The following PCDHGA1 variants were observed in gnomAD, a reference collection of about 807,000 sequenced individuals.
The protein encoded by PCDHGA1 is protocadherin gamma-A1.
In PCDHGA1, 32 loss-of-function variants were observed where a neutral mutation model predicts 58.0. The observed-to-expected ratio is 0.55, with a 90% confidence interval of 0.42 to 0.74. PCDHGA1 has a LOEUF of 0.74. Ranked by LOEUF, PCDHGA1 falls within the 30% of genes least tolerant of loss-of-function variation. The pLI, the probability that PCDHGA1 is intolerant of heterozygous loss-of-function variation, is 0.00. For missense variants in PCDHGA1, 1,205 were observed against 1,182.3 expected (o/e 1.02, Z -0.28); for synonymous variants, 498 against 501.1 (o/e 0.99, Z 0.08).
chr5:141,369,898 C>A (rs1410359575), intron 1 of PCDHGA1, among the ~76,000 whole-genome samples: 1 of 152,106 alleles, frequency 6.6e-6, no homozygotes, highest in Non-Finnish European at 1.5e-5. Flanking sequence ...TTATTATGAC[C>A]ATTTTATGAA....
At chr5:141,371,570 T>C (rs767925650) in intron 1 of PCDHGA1, 3 of 1,613,762 alleles carry the variant, frequency 1.9e-6, no homozygotes, top group Admixed American at 3.3e-5. Flanking sequence ...ACTTCCCCTT[T>C]AAAATCGTTC....
intron 1 of PCDHGA1, among the ~76,000 whole-genome samples, chr5:141,451,522 A>G (rs1387873094): frequency 6.6e-6 from 1 of 152,200 alleles, no homozygotes; most frequent in Non-Finnish European, 1.5e-5. Flanking sequence ...TAGAGCAAGT[A>G]AAGGAGAGTG....
At chr5:141,362,151 G>C (rs570950443) in intron 1 of PCDHGA1, 5 of 1,614,026 alleles carry the variant, frequency 3.1e-6, no homozygotes, top group Middle Eastern at 1.7e-4. Flanking sequence ...AAGAGGTATT[G>C]CCAGACCTCA....
At chr5:141,380,772 CTT>C (rs1776732495) in intron 1 of PCDHGA1, among the ~76,000 whole-genome samples, 1 of 152,070 alleles carries the variant, frequency 6.6e-6, no homozygotes, top group Admixed American at 6.6e-5. Context: ...TTAATTGAGA[CTT>C]TTTTAAAACA....
chr5:141,389,233 T>C (rs1374129511), intron 1 of PCDHGA1: 1 of 1,613,926 alleles, frequency 6.2e-7, no homozygotes, highest in Non-Finnish European at 8.5e-7. Context: ...GCTCCGGTTT[T>C]CTCACAGTCT....
intron 1 of PCDHGA1, among the ~76,000 whole-genome samples, chr5:141,488,613 A>C (rs1214413025): frequency 1.3e-5 from 2 of 152,158 alleles, no homozygotes; most frequent in Non-Finnish European, 2.9e-5. Flanking sequence ...GTTCTTACTA[A>C]TCTTTTCTCT....
At position 141,430,969 on chromosome 5, in the gene PCDHGA1, T is replaced by C. The variant is rs560722324; in HGVS notation, c.2422-63838T>C. The C allele has an allele frequency of 1.5e-4, 246 of 1,613,012 alleles. 3 individuals carry two copies. The South Asian group carries it at 2.6e-3, about 17-fold the overall frequency. The stretch of plus-strand genomic sequence containing the variant: ...GCGGAGTCCGCATCATCCCCAGAGG[T>C]AGGACGCAGCTTTTCGCCCTGAATC... On this transcript the variant is annotated intron_variant, in intron 1 of 3. Transcript: ENST00000517417.
At chr5:141,425,448 C>G (rs897473729) in intron 1 of PCDHGA1, among the ~76,000 whole-genome samples, 1 of 152,164 alleles carries the variant, frequency 6.6e-6, no homozygotes, top group African/African-American at 2.4e-5. Flanking sequence ...AAATAAAACA[C>G]CATCACATTT....
intron 1 of PCDHGA1, chr5:141,394,355 G>C (rs767192511): frequency 4.3e-6 from 7 of 1,614,064 alleles, no homozygotes; most frequent in African/African-American, 1.3e-5. Context: ...CCGGTGTCCT[G>C]TATGCGCTGC....
chr5:141,464,707 A>G (rs1052234067), intron 1 of PCDHGA1, among the ~76,000 whole-genome samples: 13 of 152,112 alleles, frequency 8.5e-5, no homozygotes, highest in African/African-American at 3.1e-4. Flanking sequence ...ATGAGGTTAA[A>G]TAGTTTTTCA....
Position 141,486,929 on chromosome 5 carries a change from G to A in PCDHGA1, c.2422-7878G>A. 2.5e-6 allele frequency: 4 copies of A among 1,614,226 alleles called. No individual in the cohort carries two copies. Among genetic ancestry groups the A allele is most frequent in the Non-Finnish European group, 2.5e-6 (3 of 1,180,038 alleles). ...CCAAGCACTGCCTCCATCAGTTGGT[G>A]CTGGCCACCTAATCACAAAGGTGAC... On this transcript the variant is annotated intron_variant, in intron 1 of 3. Transcript: ENST00000517417. This position sits in a 1 kb window ranked among gnomAD's most constrained non-coding sequence, Gnocchi z 5.0.
At chr5:141,478,670 C>T (rs1413742587) in intron 1 of PCDHGA1, 28 of 1,551,664 alleles carry the variant, frequency 1.8e-5, no homozygotes, top group Non-Finnish European at 2.4e-5. Flanking sequence ...TTCACACTTT[C>T]AACTGGCCCT....
Position 141,341,748 on chromosome 5 carries a change from A to G in PCDHGA1, c.2421+8643A>G. ...AATTTTTTCTTTGTTAAAAATATAAAGATTGGAGTTTATGTTTACTCAAGT... is the reference window on the plus strand; with the variant it reads ...AATTTTTTCTTTGTTAAAAATATAAGGATTGGAGTTTATGTTTACTCAAGT... On this transcript the variant is annotated intron_variant, in intron 1 of 3. Transcript: ENST00000517417. 7.1e-6 allele frequency: 3 copies of G among 425,454 alleles called. No individual in the cohort carries two copies. In the South Asian group the frequency reaches 1.2e-4, roughly 17 times the overall value. 26.4% of individuals were successfully genotyped at this position (425,454 alleles called of 1,614,324 possible). A position where few individuals can be genotyped will look rare whatever the true frequency, so the allele number is the denominator to read the frequency against.
chr5:141,383,876 G>T (rs747987128), intron 1 of PCDHGA1: 1 of 1,613,978 alleles, frequency 6.2e-7, no homozygotes, highest in South Asian at 1.1e-5. Flanking sequence ...GATGGTCCTG[G>T]TAGTCTGACA....
chr5:141,465,759 A>G (rs2099108647), intron 1 of PCDHGA1, among the ~76,000 whole-genome samples: 2 of 151,280 alleles, frequency 1.3e-5, no homozygotes, highest in South Asian at 4.2e-4. Context: ...TGGTAAAGTC[A>G]TGTTTCATCT....
chr5:141,386,595 A>C (rs77368271), intron 1 of PCDHGA1, among the ~76,000 whole-genome samples: 1 of 146,110 alleles, frequency 6.8e-6, no homozygotes, highest in African/African-American at 2.5e-5. Context: ...TGGGGGATAC[A>C]TTTTTTTTTT....
rs1459105534 is a variant in PCDHGA1, at chr5:141,366,603, C to G, written c.2421+33498C>G. 2 of 1,614,226 alleles carry G rather than the reference C, an allele frequency of 1.2e-6. No individual in the cohort carries two copies. Among genetic ancestry groups the G allele is most frequent in the Non-Finnish European group, 1.7e-6 (2 of 1,180,034 alleles). ...CTGCAGACCTATTCCCACGAGGTCT[C>G]CCTCACCGCGGACTCGAGGAAGAGT... On this transcript the variant is annotated intron_variant, in intron 1 of 3. Transcript: ENST00000517417.
chr5:141,422,975 C>T (rs751065595), intron 1 of PCDHGA1: 130 of 1,614,092 alleles, frequency 8.1e-5, no homozygotes, highest in Non-Finnish European at 1.0e-4. Context: ...CCCCGCTCTG[C>T]GGAACCTGGC....
At chr5:141,382,125 GC>G (rs1470370841) in intron 1 of PCDHGA1, among the ~76,000 whole-genome samples, 1 of 151,872 alleles carries the variant, frequency 6.6e-6, no homozygotes, top group East Asian at 1.9e-4. Flanking sequence ...ACAGCACCTG[GC>G]CCCCCCTCTC....
Sources: allele counts gnomAD v4.1 joint callset (sites outside exome capture counted in the v4.1 genomes callset), GRCh38; gene constraint gnomAD v4.1.1; non-coding constraint Gnocchi (gnomAD v3.1); transcripts MANE v1.5; gene names NCBI Gene and HGNC (gene_info 2026-07-23, HGNC 2026-07-21).